Variants in SYNE1 observed in about 807,000 individuals in gnomAD.
The protein encoded by SYNE1 is spectrin repeat containing nuclear envelope protein 1.
A neutral mutation model predicts 1,111.0 loss-of-function variants in SYNE1; 616 were observed. The observed-to-expected ratio is 0.55, with a 90% CI of 0.52 to 0.59. The LOEUF (loss-of-function observed/expected upper bound fraction) is 0.59. Among genes scored for constraint, SYNE1 ranks in the 20% least tolerant of loss-of-function variants. The pLI is 0.00. For missense variants in SYNE1, 10,006 were observed against 10,417.0 expected, an observed-to-expected ratio of 0.96 and a Z score of 1.72; for synonymous variants, 3,855 against 3,825.8, an observed-to-expected ratio of 1.01 and a Z score of -0.28.
chr6:152,156,039 C>T lies in SYNE1; in HGVS notation c.23849G>A (p.Cys7950Tyr), dbSNP rs1257599076. Reference protein sequence around the residue: ...STGVASVLNLCEVLLHDCDAC... With the variant: ...STGVASVLNLYEVLLHDCDAC... The stretch of plus-strand genomic sequence containing the variant: ...GTCACAGTCGTGCAGCAGGACTTCA[C>T]ACAGGTTGAGGACAGATGCAACACC... The change falls in exon 132 of 146, where the codon TGT (cysteine) becomes TAT (tyrosine). Residue 7950 changes from cysteine to tyrosine, a missense_variant. Cys to Tyr is a radical substitution (Grantham distance 194, BLOSUM62 -2). Around this residue, in one of 7 missense-constraint regions of SYNE1, gnomAD observed 2,182 missense variants for 2,287.8 expected, o/e 0.95. Coordinates refer to ENST00000367255, the MANE Select transcript of SYNE1 (RefSeq NM_182961.4). The T allele has an allele frequency of 1.9e-6, 3 of 1,614,042 alleles. No individual in the cohort carries two copies. Among genetic ancestry groups the T allele is most frequent in the Non-Finnish European group, 2.5e-6 (3 of 1,180,034 alleles).
chr6:152,359,590 AT>A, intron 64 of SYNE1, 132 bp from the exon 65 acceptor site: 1 of 1,077,876 alleles, frequency 9.3e-7, no homozygotes, highest in Non-Finnish European at 1.4e-6. Flanking sequence ...CTCCTCCATC[AT>A]TTTATCTATT....
intron 25 of SYNE1, among the ~76,000 whole-genome samples, chr6:152,451,601 G>C (rs974779361): frequency 2.0e-5 from 3 of 148,250 alleles, no homozygotes; most frequent in Non-Finnish European, 4.4e-5. Context: ...TCCTGTCTCA[G>C]CCTCCTGAGT....
rs778282521 is a variant in SYNE1 at position 152,323,537 on chromosome 6, G to C, written c.15858C>G (p.Thr5286=). The change falls in exon 82 of 146, where the codon ACC becomes ACG. Residue 5286 remains threonine (T), a synonymous_variant. Transcript: ENST00000367255. ...LSMLQDGAAP[T]PGEEPPLMQE... ...GCATGAGCGGAGGCTCTTCCCCAGG[G>C]GTTGGGGCGGCTCCATCCTGGAGCA... The C allele has an allele frequency of 1.9e-6, 3 of 1,614,094 alleles. No homozygotes were observed. The highest frequency in any genetic ancestry group is 3.3e-5 in the Admixed American group (2 of 60,010).
At chr6:152,303,188 T>C (rs1286413644) in intron 91 of SYNE1, among the ~76,000 whole-genome samples, 2 of 149,334 alleles carry the variant, frequency 1.3e-5, no homozygotes, top group Non-Finnish European at 3.0e-5. Context: ...GTGCAGTGGC[T>C]CATGCCTGTA....
At chr6:152,135,015 AC>A in intron 142 of SYNE1, 88 bp downstream of exon 142, 4 of 1,581,812 alleles carry the variant, frequency 2.5e-6, no homozygotes, top group Non-Finnish European at 3.5e-6. Flanking sequence ...AAAAAAAGAA[AC>A]AACACTTACC....
At chr6:152,137,920 C>G (rs558705376) in intron 140 of SYNE1, among the ~76,000 whole-genome samples, 1 of 152,022 alleles carries the variant, frequency 6.6e-6, no homozygotes, top group African/African-American at 2.4e-5. Context: ...CTTGTCATGC[C>G]GGATGACTTT....
At chr6:152,184,956 TG>T (rs1318903338) in intron 128 of SYNE1, among the ~76,000 whole-genome samples, 3 of 152,218 alleles carry the variant, frequency 2.0e-5, no homozygotes, top group Admixed American at 6.5e-5. Context: ...TTTATGTTTT[TG>T]CAAGGGCACA....
At chr6:152,349,852 T>C (rs1372731421) in intron 72 of SYNE1, among the ~76,000 whole-genome samples, 2 of 152,170 alleles carry the variant, frequency 1.3e-5, no homozygotes, top group African/African-American at 4.8e-5. Flanking sequence ...GGAGTTTCCC[T>C]GGAAATGCTC....
chr6:152,573,011 TGTCAACTGCTC>T (rs1246982276), intron 3 of SYNE1, among the ~76,000 whole-genome samples: 1 of 152,056 alleles, frequency 6.6e-6, no homozygotes, highest in Non-Finnish European at 1.5e-5. Context: ...CACACCTCAT[TGTCAACTGCTC>T]GAATTAGATA....
At chr6:152,325,654 G>C (rs1358716604) in intron 80 of SYNE1, among the ~76,000 whole-genome samples, 1 of 152,156 alleles carries the variant, frequency 6.6e-6, no homozygotes, top group Non-Finnish European at 1.5e-5. Flanking sequence ...GATAAAGGGA[G>C]ACTCAGTTAT....
At chr6:152,372,974 T>C in intron 59 of SYNE1, 63 bp downstream of exon 59, 2 of 1,574,266 alleles carry the variant, frequency 1.3e-6, no homozygotes, top group Non-Finnish European at 8.7e-7. Flanking sequence ...AACTGTGATT[T>C]CACTAACAAC....
chr6:152,213,668 C>T lies in SYNE1; in HGVS notation c.22438G>A (p.Ala7480Thr), dbSNP rs2077986462. 1.9e-6 allele frequency: 3 copies of T among 1,614,082 alleles called. No individual in the cohort carries two copies. The highest frequency in any genetic ancestry group is 2.5e-6 in the Non-Finnish European group (3 of 1,180,002). The change falls in exon 123 of 146, where the codon GCA becomes ACA. Residue 7480 changes from alanine (A) to threonine (T), a missense_variant. This residue lies in a region of SYNE1 where 2,182 missense variants were observed against 2,287.8 expected (regional missense o/e 0.95). Transcript: ENST00000367255. Reference protein sequence around the residue: ...EFLVQTEQKLAVEISGNYQHL... With the variant: ...EFLVQTEQKLTVEISGNYQHL... The stretch of plus-strand genomic sequence containing the variant: ...TGATAATTTCCTGAAATCTCTACTG[C>T]TAACTTTTGTTCTGTCTGAACTAGG...
At chr6:152,481,935 C>A (rs1278178305) in intron 14 of SYNE1, among the ~76,000 whole-genome samples, 1 of 151,764 alleles carries the variant, frequency 6.6e-6, no homozygotes, top group East Asian at 1.9e-4. Flanking sequence ...TCTGAGAAGC[C>A]AAATGACAGA....
intron 107 of SYNE1, among the ~76,000 whole-genome samples, chr6:152,240,977 T>C (rs1562436086): frequency 6.6e-6 from 1 of 152,230 alleles, no homozygotes; most frequent in East Asian, 1.9e-4. Flanking sequence ...GAAGTTCATC[T>C]AGCCCAACAT....
At chr6:152,284,282 G>A in intron 95 of SYNE1, 110 bp from the exon 96 acceptor site, 1 of 1,128,816 alleles carries the variant, frequency 8.9e-7, no homozygotes, top group Non-Finnish European at 1.3e-6. Flanking sequence ...GATTTCACCT[G>A]GGAATCATTA....
chr6:152,424,656 G>A (rs1378811903), intron 39 of SYNE1, among the ~76,000 whole-genome samples: 1 of 152,096 alleles, frequency 6.6e-6, no homozygotes, highest in Non-Finnish European at 1.5e-5. Context: ...TTGATTGATT[G>A]AATACAGGAA....
chr6:152,162,218 T>C (rs1256374211), intron 131 of SYNE1, among the ~76,000 whole-genome samples: 1 of 152,244 alleles, frequency 6.6e-6, no homozygotes, highest in Non-Finnish European at 1.5e-5. Flanking sequence ...CTCCACTTTC[T>C]GAGCCTTCTT....
chr6:152,392,189 T>G (rs932264511), intron 51 of SYNE1, among the ~76,000 whole-genome samples: 2 of 152,096 alleles, frequency 1.3e-5, no homozygotes, highest in Non-Finnish European at 2.9e-5. Flanking sequence ...GCCTTTCACT[T>G]TCTAAAAGCT....
chr6:152,379,238 T>TA (rs1346961171), intron 56 of SYNE1, among the ~76,000 whole-genome samples: 6 of 152,202 alleles, frequency 3.9e-5, no homozygotes, highest in African/African-American at 1.2e-4. Flanking sequence ...AATATCAGCT[T>TA]ATGTATTTCT....
Sources: gnomAD v4.1 joint callset for allele counts (sites outside exome capture counted in the v4.1 genomes callset) on GRCh38, gnomAD v4.1.1 for gene constraint, gnomAD v4.1.1 regional missense constraint, MANE v1.5 for transcripts, NCBI Gene and HGNC (gene_info 2026-07-23, HGNC 2026-07-21) for gene names.